PCSK6: variants seen among roughly 807,000 people sequenced by gnomAD.
The protein encoded by PCSK6 is paired basic amino acid cleaving enzyme 4.
Under a neutral mutation model 123.3 loss-of-function variants are expected in PCSK6, and 85 were observed. The ratio of observed to expected loss-of-function variants is 0.69; its 90% CI spans 0.58 to 0.83. The LOEUF (loss-of-function observed/expected upper bound fraction) is 0.83, where lower values mean the gene tolerates loss of function less well. PCSK6 is among the 40% of genes least tolerant of loss of function. PCSK6 has a pLI of 0.00. For synonymous variants in PCSK6, 508 were observed against 516.0 expected (o/e 0.98, Z 0.21); for missense variants, 1,191 against 1,282.3 (o/e 0.93, Z 1.09).
chr15:101,416,549 G>C (rs1567205285), intron 6 of PCSK6, among the ~76,000 whole-genome samples: 1 of 152,310 alleles, frequency 6.6e-6, no homozygotes, highest in East Asian at 1.9e-4. Flanking sequence ...TAATCCCCAA[G>C]ACCATGGGAA....
In PCSK6 at chr15:101,366,105, A is replaced by C. The variant is rs148177521; in HGVS notation, c.1858+91T>G. 58 of 1,324,518 alleles carry C rather than the reference A, an allele frequency of 4.4e-5. No homozygotes were observed. In the Middle Eastern group the frequency reaches 7.6e-4, roughly 17 times the overall value. The allele number at this position is 1,324,518 out of a possible 1,614,324, so 82.0% of individuals were successfully genotyped here. On this transcript the variant is annotated intron_variant, in intron 13 of 21. Transcript: ENST00000611716. ...CTACCTCTAAAACACAAAACAAAGA[A>C]TTATCAGAGACTCCGTAGTTAAATA...
At chr15:101,428,142 G>C (rs2056322355) in intron 5 of PCSK6, among the ~76,000 whole-genome samples, 162 bp from the exon 6 acceptor site, 1 of 152,168 alleles carries the variant, frequency 6.6e-6, no homozygotes. Flanking sequence ...CCCCACTCTG[G>C]GAGAAGGCAC....
At chr15:101,380,003 C>CA (rs2041869662) in intron 11 of PCSK6, among the ~76,000 whole-genome samples, 1 of 152,266 alleles carries the variant, frequency 6.6e-6, no homozygotes, top group South Asian at 2.1e-4. Flanking sequence ...ATCTGATAAG[C>CA]AAGTGGTGTG....
intron 2 of PCSK6, among the ~76,000 whole-genome samples, chr15:101,441,894 C>T (rs1000072109): frequency 6.6e-6 from 1 of 152,188 alleles, no homozygotes; most frequent in Non-Finnish European, 1.5e-5. Flanking sequence ...GATGCTGCGT[C>T]GACCTCTTTC....
intron 11 of PCSK6, among the ~76,000 whole-genome samples, chr15:101,379,102 GGGCCCT>G: frequency 6.6e-6 from 1 of 152,364 alleles, no homozygotes. Flanking sequence ...CAGTCATTCG[GGGCCCT>G]GGATGCAATG....
At chr15:101,412,691 T>TTTATATATATATATATATATATA (rs772007096) in intron 6 of PCSK6, among the ~76,000 whole-genome samples, 1 of 124,744 alleles carries the variant, frequency 8.0e-6, no homozygotes, top group African/African-American at 3.5e-5. Context: ...AACTGGAAAA[T>TTTATATATATATATATATATATA]TATATATATA....
intron 10 of PCSK6, among the ~76,000 whole-genome samples, chr15:101,383,400 ACT>A (rs2041961392): frequency 7.7e-6 from 1 of 129,266 alleles, no homozygotes; most frequent in Admixed American, 8.9e-5. Flanking sequence ...ACAAGACGAG[ACT>A]CTGTCTCAAA....
At chr15:101,427,641 G>A (rs1412183205) in intron 6 of PCSK6, among the ~76,000 whole-genome samples, 6 of 152,220 alleles carry the variant, frequency 3.9e-5, no homozygotes, top group Non-Finnish European at 5.9e-5. Flanking sequence ...GAGGAGAGAG[G>A]GTACCTTTCT....
intron 13 of PCSK6, 25 bp from the exon 14 acceptor site, chr15:101,332,056 T>C (rs546473167): frequency 6.4e-7 from 1 of 1,565,812 alleles, no homozygotes. Flanking sequence ...ACCCACAGAG[T>C]TACCTGCCTG....
chr15:101,383,511 C>A (rs1050025020), intron 10 of PCSK6, among the ~76,000 whole-genome samples: 1 of 152,000 alleles, frequency 6.6e-6, no homozygotes, highest in Non-Finnish European at 1.5e-5. Context: ...CCTAACGAAG[C>A]CCTGACCCTG....
In PCSK6 at chr15:101,489,408, A is replaced by C. The variant is rs1202915111; in HGVS notation, c.263T>G (p.Val88Gly). 7.8e-7 allele frequency: 1 copy of C among 1,278,234 alleles called. No individual in the cohort carries two copies. The highest frequency in any genetic ancestry group is 1.0e-6 in the Non-Finnish European group (1 of 998,904). The allele number at this position is 1,278,234 out of a possible 1,614,324, so 79.2% of individuals were successfully genotyped here. ...GTTGAGGTACCCGTGCGCCGCCGCC[A>C]CGCGGTCCGCCTCGGCCGGGCCGCC... ...VLGGPAEADR[V>G]AAAHGYLNLG... The change falls in exon 1 of 22, where the codon GTG (valine) becomes GGG (glycine). Residue 88 changes from valine (V) to glycine (G), a missense_variant. By Grantham distance (109) the Val-to-Gly change is moderately radical. Transcript: ENST00000611716.
chr15:101,401,281 G>C (rs1037944592), intron 6 of PCSK6, among the ~76,000 whole-genome samples: 1 of 152,244 alleles, frequency 6.6e-6, no homozygotes, highest in Non-Finnish European at 1.5e-5. Context: ...CACGGGAAGA[G>C]CCATCTCTTC....
rs1308275430 is a variant in PCSK6 at position 101,431,430 on chromosome 15, C to T, written c.547G>A (p.Glu183Lys). 6.2e-7 allele frequency: 1 copy of T among 1,613,750 alleles called. No homozygotes were observed. The highest frequency in any genetic ancestry group is 8.5e-7 in the Non-Finnish European group (1 of 1,179,866). The change falls in exon 4 of 22, where the codon GAA becomes AAA. Residue 183 changes from glutamate to lysine, a missense_variant. By Grantham distance (56) the Glu-to-Lys change is moderately conservative. Coordinates refer to ENST00000611716, the MANE Select transcript of PCSK6 (RefSeq NM_002570.5). ...CGDKNSRCRS[E>K]MNVQAAWKRG... The stretch of plus-strand genomic sequence containing the variant: ...TTCCACGCTGCCTGGACATTCATTT[C>T]CGACCGGCAGCGACTGTTCTTGTCG...
intron 6 of PCSK6, 129 bp downstream of exon 6, chr15:101,427,763 T>C (rs2056305720): frequency 1.5e-6 from 1 of 661,628 alleles, no homozygotes; most frequent in Non-Finnish European, 2.6e-6. Flanking sequence ...CACTGCTGCG[T>C]CTGGCCCAGG....
chr15:101,486,276 T>C (rs1480259194), intron 1 of PCSK6, among the ~76,000 whole-genome samples: 1 of 152,206 alleles, frequency 6.6e-6, no homozygotes, highest in African/African-American at 2.4e-5. Context: ...TTCTCAGTCC[T>C]TCTTCTAAAT....
At chr15:101,473,694 A>G (rs930802557) in intron 1 of PCSK6, among the ~76,000 whole-genome samples, 1 of 152,208 alleles carries the variant, frequency 6.6e-6, no homozygotes, top group Non-Finnish European at 1.5e-5. Flanking sequence ...CCTGGCCAAC[A>G]TGGTGAAACC....
chr15:101,315,621 T>C (rs1567137837), intron 19 of PCSK6, among the ~76,000 whole-genome samples: 1 of 152,268 alleles, frequency 6.6e-6, no homozygotes. Flanking sequence ...CTTGGTCTGT[T>C]GTGGTGTTTC....
chr15:101,328,087 C>T (rs1029124823), intron 15 of PCSK6, among the ~76,000 whole-genome samples: 9 of 152,248 alleles, frequency 5.9e-5, no homozygotes, highest in Non-Finnish European at 1.3e-4. Context: ...ATCCTCATTT[C>T]TCGCACCATT....
intron 18 of PCSK6, 50 bp from the exon 19 acceptor site, chr15:101,318,472 T>G (rs562381061): frequency 3.0e-5 from 43 of 1,434,978 alleles, no homozygotes; most frequent in Admixed American, 2.4e-4. Flanking sequence ...AAAGTCTAAT[T>G]ATGACTTGCC....
Sources: allele counts gnomAD v4.1 joint callset (sites outside exome capture counted in the v4.1 genomes callset), GRCh38; gene constraint gnomAD v4.1.1; transcripts MANE v1.5; gene names NCBI Gene and HGNC (gene_info 2026-07-23, HGNC 2026-07-21).